The following MYO9A variants were observed in gnomAD, a reference collection of about 807,000 sequenced individuals.
MYO9A encodes unconventional myosin-IXa.
A neutral mutation model predicts 293.3 loss-of-function variants in MYO9A; 103 were observed. That is an observed-to-expected ratio of 0.35 (90% CI 0.30 to 0.41). MYO9A has a LOEUF of 0.41. Among genes scored for constraint, MYO9A ranks in the 10% least tolerant of loss-of-function variants. The probability of loss-of-function intolerance (pLI) is 1.00; values close to 1 mark genes in which losing one functional copy is unlikely to be tolerated. For synonymous variants in MYO9A, 1,001 were observed against 1,035.7 expected (o/e 0.97, Z 0.64); for missense variants, 2,685 against 3,033.0 (o/e 0.89, Z 2.69).
At chr15:71,938,537 C>G (rs776157017) in intron 16 of MYO9A, among the ~76,000 whole-genome samples, 29 of 151,922 alleles carry the variant, frequency 1.9e-4, no homozygotes, top group Non-Finnish European at 3.5e-4. Context: ...CAGAAAGCAG[C>G]GGAATAACCC....
At chr15:72,025,356 T>C (rs563215500) in intron 4 of MYO9A, among the ~76,000 whole-genome samples, 21 of 152,098 alleles carry the variant, frequency 1.4e-4, no homozygotes, top group South Asian at 4.1e-4. Context: ...CAAAAAAACA[T>C]TGAGCAAAAA....
At chr15:72,048,783 T>C (rs2078468132) in intron 1 of MYO9A, among the ~76,000 whole-genome samples, 1 of 152,242 alleles carries the variant, frequency 6.6e-6, no homozygotes, top group African/African-American at 2.4e-5. Flanking sequence ...AATACTGCAT[T>C]GACTTTACAG....
chr15:71,844,675 A>C (rs1370405547), intron 39 of MYO9A, among the ~76,000 whole-genome samples: 1 of 152,238 alleles, frequency 6.6e-6, no homozygotes, highest in Non-Finnish European at 1.5e-5. Flanking sequence ...ATTTCTTCTG[A>C]AAATTCTGTA....
At chr15:71,956,330 A>AAAAAATAT (rs10642655) in intron 14 of MYO9A, among the ~76,000 whole-genome samples, 10 of 75,584 alleles carry the variant, frequency 1.3e-4, no homozygotes, top group Non-Finnish European at 1.8e-4. Context: ...AAAAAAAAAA[A>AAAAAATAT]ATATATATAT....
chr15:71,875,647 T>C (rs555157066), intron 32 of MYO9A, 144 bp downstream of exon 32: 3 of 373,316 alleles, frequency 8.0e-6, no homozygotes, highest in African/African-American at 4.2e-5. Flanking sequence ...CATTCTAAAT[T>C]TTTGTAAAGA....
intron 2 of MYO9A, among the ~76,000 whole-genome samples, chr15:72,038,855 C>T (rs998274723): frequency 6.6e-6 from 1 of 152,146 alleles, no homozygotes; most frequent in Non-Finnish European, 1.5e-5. Context: ...AATGTTTGTA[C>T]AAAAGGGCTT....
chr15:72,023,859 C>T (rs2077582154), intron 4 of MYO9A, among the ~76,000 whole-genome samples: 1 of 152,044 alleles, frequency 6.6e-6, no homozygotes, highest in African/African-American at 2.4e-5. Flanking sequence ...ATTCAATGAA[C>T]TCTAGAGAGT....
chr15:71,871,351 G>A (rs1210963082), intron 32 of MYO9A, among the ~76,000 whole-genome samples: 4 of 152,046 alleles, frequency 2.6e-5, no homozygotes. Flanking sequence ...CTTCAGGCTG[G>A]GCAACAGAGC....
intron 21 of MYO9A, among the ~76,000 whole-genome samples, 164 bp from the exon 22 acceptor site, chr15:71,903,227 T>C (rs549163849): frequency 6.6e-6 from 1 of 151,870 alleles, no homozygotes; most frequent in East Asian, 1.9e-4. Flanking sequence ...TCGGAAAACA[T>C]AGGAGGTGGA....
chr15:72,082,895 G>GT (rs1480930175), intron 1 of MYO9A, among the ~76,000 whole-genome samples: 1 of 149,744 alleles, frequency 6.7e-6, no homozygotes, highest in East Asian at 1.9e-4. Context: ...TGGTGGGTAA[G>GT]TTTTTTGACA....
intron 15 of MYO9A, among the ~76,000 whole-genome samples, chr15:71,945,662 ATTCCT>A (rs1461735012): frequency 2.6e-5 from 4 of 152,102 alleles, no homozygotes; most frequent in African/African-American, 9.7e-5. Flanking sequence ...AGGAAGTGTG[ATTCCT>A]TCACACTTCC....
intron 5 of MYO9A, among the ~76,000 whole-genome samples, chr15:72,019,876 A>G (rs2149183504): frequency 6.6e-6 from 1 of 152,202 alleles, no homozygotes; most frequent in Middle Eastern, 3.4e-3. Flanking sequence ...CGGCCTCCCA[A>G]GCAGCTGAGA....
chr15:71,992,374 TAAATG>T (rs2148430001), intron 10 of MYO9A, among the ~76,000 whole-genome samples: 1 of 152,304 alleles, frequency 6.6e-6, no homozygotes, highest in East Asian at 1.9e-4. Flanking sequence ...CAATTTTGGT[TAAATG>T]AAAATAATTT....
At chr15:72,109,271 T>C (rs1286054760) in intron 1 of MYO9A, among the ~76,000 whole-genome samples, 1 of 151,566 alleles carries the variant, frequency 6.6e-6, no homozygotes, top group Non-Finnish European at 1.5e-5. Flanking sequence ...GTGCCTGTAG[T>C]CCCAGCTACT....
intron 1 of MYO9A, among the ~76,000 whole-genome samples, chr15:72,059,736 T>C (rs1332652070): frequency 6.6e-6 from 1 of 152,224 alleles, no homozygotes; most frequent in African/African-American, 2.4e-5. Context: ...CAGAGTACTC[T>C]TACTGCCTCT....
intron 28 of MYO9A, 50 bp from the exon 29 acceptor site, chr15:71,880,608 G>A (rs758786370): frequency 6.9e-6 from 10 of 1,455,866 alleles, no homozygotes; most frequent in Non-Finnish European, 9.4e-6. Context: ...TAAATATATT[G>A]ATAATCTTCA....
intron 38 of MYO9A, among the ~76,000 whole-genome samples, 187 bp downstream of exon 38, chr15:71,849,849 A>G (rs1011144166): frequency 6.6e-6 from 1 of 152,254 alleles, no homozygotes; most frequent in South Asian, 2.1e-4. Flanking sequence ...AGATGCTTTA[A>G]GACAAATGAT....
chr15:72,037,079 AGACTGGAGTGCAGTGGTGTCATAAG>A (rs1489506659), intron 2 of MYO9A, among the ~76,000 whole-genome samples: 1 of 151,662 alleles, frequency 6.6e-6, no homozygotes, highest in Non-Finnish European at 1.5e-5. Context: ...CTGTCAACCC[AGACTGGAGTGCAGTGGTGTCATAAG>A]GACTTTCTTG....
Position 71,898,271 on chromosome 15 carries a change from G to A in MYO9A, c.4232C>T (p.Ser1411Phe), listed in dbSNP as rs749294413. The change falls in exon 25 of 42, where the codon TCC becomes TTC. Residue 1411 changes from serine (S) to phenylalanine (F), a missense_variant. Transcript: ENST00000356056. ...AGTAGGTAGACTATTTGAAATGAAG[G>A]AGTCTTTCAGCTGTGGTTTACAGGT... is the stretch of plus-strand genomic sequence containing the variant. ...SITCKPQLKD[S>F]FISNSLPTFF... The A allele has an allele frequency of 1.9e-6, 3 of 1,614,094 alleles. No individual in the cohort carries two copies. The highest frequency in any genetic ancestry group is 2.5e-6 in the Non-Finnish European group (3 of 1,180,002).
Sources: gnomAD v4.1 joint callset for allele counts (sites outside exome capture counted in the v4.1 genomes callset) on GRCh38, gnomAD v4.1.1 for gene constraint, MANE v1.5 for transcripts, NCBI Gene and HGNC (gene_info 2026-07-23, HGNC 2026-07-21) for gene names.